The following APBB3 variants were observed in gnomAD, a reference collection of about 807,000 sequenced individuals.
The protein encoded by APBB3 is amyloid beta precursor protein binding family B member 3.
APBB3 carries 50 observed loss-of-function variants against 61.5 expected under a neutral mutation model. The observed-to-expected ratio is 0.81, with a 90% CI of 0.65 to 1.03. The LOEUF is 1.03. Ranked by LOEUF, APBB3 falls within the 50% of genes least tolerant of loss-of-function variation. The pLI is 0.00. For missense variants in APBB3, 550 were observed against 637.4 expected (o/e 0.86, Z 1.48); for synonymous variants, 235 against 233.0 (o/e 1.01, Z -0.08).
Position 140,561,597 on chromosome 5 carries a change from A to G in APBB3, c.737T>C (p.Leu246Pro). 6.2e-7 allele frequency: 1 copy of G among 1,614,242 alleles called. No homozygotes were observed. Among genetic ancestry groups the G allele is most frequent in the Non-Finnish European group, 8.5e-7 (1 of 1,180,044 alleles). ...AKAIASALHGLCAQILSERVE... is the reference protein window; with the variant it reads ...AKAIASALHGPCAQILSERVE... ...ACCCCTGACACTTACCTGGGCACAA[A>G]GCCCATGTAGGGCACTGGCAATGGC... The change falls in exon 8 of 13, where the codon CTT (leucine) becomes CCT (proline). Residue 246 changes from leucine to proline, a missense_variant. By Grantham distance (98) the Leu-to-Pro change is moderately conservative. Around this residue, in one of 3 missense-constraint regions of APBB3, gnomAD observed 405 missense variants for 483.4 expected, o/e 0.84. Transcript: ENST00000357560.
At position 140,564,374 on chromosome 5, in the gene APBB3, A is replaced by C. The variant is rs1269302104; in HGVS notation, c.-129T>G. ...TGCGGGGCCAGCTGGCGCCGCACAA[A>C]TACGGGGCGGGACACGGGGCGGGAC... On this transcript the variant is annotated 5_prime_UTR_variant, in exon 1 of 13. Transcript: ENST00000357560. The surrounding 1 kb of genome is among the most constrained non-coding windows in gnomAD (Gnocchi z 5.0). 2.0e-5 allele frequency: 23 copies of C among 1,136,802 alleles called. No homozygotes were observed. The highest frequency in any genetic ancestry group is 2.6e-5 in the East Asian group (1 of 39,060). The allele number at this position is 1,136,802 out of a possible 1,614,324, so 70.4% of individuals were successfully genotyped here.
Position 140,563,645 on chromosome 5 carries a change from C to A in APBB3, c.239G>T (p.Arg80Leu), listed in dbSNP as rs574632516. 14 of 1,614,188 alleles carry A rather than the reference C, an allele frequency of 8.7e-6. No individual in the cohort carries two copies. Among genetic ancestry groups the A allele is most frequent in the Non-Finnish European group, 1.2e-5 (14 of 1,180,030 alleles). The change falls in exon 3 of 13, where the codon CGG becomes CTG. Residue 80 changes from arginine to leucine, a missense_variant. Coordinates refer to ENST00000357560, the MANE Select transcript of APBB3 (RefSeq NM_133173.3). The part of the protein sequence containing the change: ...GTGTEGIWGL[R>L]PPKGRSFSSL... ...GGAGAAGGATCTCCCTTTGGGGGGC[C>A]GCAGTCCCCAGATCCCCTCCGTTCC...
Position 140,563,645 on chromosome 5 carries a change from C to T in APBB3, c.239G>A (p.Arg80Gln), listed in dbSNP as rs574632516. 78 of 1,614,188 alleles carry T rather than the reference C, an allele frequency of 4.8e-5. No homozygotes were observed. In the South Asian group the frequency reaches 7.2e-4, roughly 15 times the overall value. The change falls in exon 3 of 13, where the codon CGG (arginine) becomes CAG (glutamine). Residue 80 changes from arginine (R) to glutamine (Q), a missense_variant. Arg to Gln is a conservative substitution (Grantham distance 43). Around this residue, in one of 3 missense-constraint regions of APBB3, gnomAD observed 405 missense variants for 483.4 expected, o/e 0.84. Transcript: ENST00000357560. ...GGAGAAGGATCTCCCTTTGGGGGGCCGCAGTCCCCAGATCCCCTCCGTTCC... is the reference window on the plus strand; with the variant it reads ...GGAGAAGGATCTCCCTTTGGGGGGCTGCAGTCCCCAGATCCCCTCCGTTCC... ...GTGTEGIWGLRPPKGRSFSSL... is the reference protein window; with the variant it reads ...GTGTEGIWGLQPPKGRSFSSL...
At chr5:140,559,701 C>T (rs565151783) in intron 12 of APBB3, among the ~76,000 whole-genome samples, 7 of 152,368 alleles carry the variant, frequency 4.6e-5, no homozygotes, top group South Asian at 2.1e-4. Context: ...CTTGGACTGT[C>T]GGATTTCTAT....
At position 140,563,638 on chromosome 5, in the gene APBB3, G is replaced by A; in HGVS notation, c.246C>T (p.Pro82=). The change falls in exon 3 of 13, where the codon CCC becomes CCT. Residue 82 remains proline (P), a synonymous_variant. Coordinates refer to ENST00000357560, the MANE Select transcript of APBB3 (RefSeq NM_133173.3). ...CCAGGCTGGAGAAGGATCTCCCTTTGGGGGGCCGCAGTCCCCAGATCCCCT... is the reference window on the plus strand; with the variant it reads ...CCAGGCTGGAGAAGGATCTCCCTTTAGGGGGCCGCAGTCCCCAGATCCCCT... ...GTEGIWGLRP[P]KGRSFSSLES... The A allele has an allele frequency of 1.9e-6, 3 of 1,614,174 alleles. No individual in the cohort carries two copies. The highest frequency in any genetic ancestry group is 2.5e-6 in the Non-Finnish European group (3 of 1,180,036).
rs1754920607 is a variant in APBB3, at chr5:140,560,856, G to C, written c.917-102C>G. 1 of 1,393,612 alleles carries C rather than the reference G, an allele frequency of 7.2e-7. No homozygotes were observed. The highest frequency in any genetic ancestry group is 1.2e-5 in the South Asian group (1 of 82,962). 86.3% of individuals were successfully genotyped at this position (1,393,612 alleles called of 1,614,324 possible). ...TTTGGGATTCAGAGATAGGGAATAG[G>C]ATAGCTGGGGCAAGCCTTAGAATTC... On this transcript the variant is annotated intron_variant, in intron 10 of 12. Coordinates refer to ENST00000357560, the MANE Select transcript of APBB3 (RefSeq NM_133173.3). The surrounding 1 kb of genome is among the most constrained non-coding windows in gnomAD (Gnocchi z 5.1).
Position 140,562,089 on chromosome 5 carries a change from G to C in APBB3, c.626+11C>G. On this transcript the variant is annotated intron_variant, in intron 6 of 12. Coordinates refer to ENST00000357560, the MANE Select transcript of APBB3 (RefSeq NM_133173.3). ...AAGTAGCTCTTGCTTGGGGGATGTA[G>C]GCATCCTCACCGGCCCTTGGAGCTC... 6.2e-7 allele frequency: 1 copy of C among 1,613,650 alleles called. No homozygotes were observed. The highest frequency in any genetic ancestry group is 8.5e-7 in the Non-Finnish European group (1 of 1,179,800).
chr5:140,562,012 A>C (rs1484256637), intron 6 of APBB3, 88 bp downstream of exon 6: 2 of 1,612,804 alleles, frequency 1.2e-6, no homozygotes, highest in Non-Finnish European at 1.7e-6. Flanking sequence ...CCAGGGGTTC[A>C]AGTACTGGGG....
Position 140,561,666 on chromosome 5 carries a change from C to G in APBB3, c.668G>C (p.Cys223Ser). ...FAFVASDKDS[C>S]MLKCHVFCCD... ...GCAAAACACATGGCACTTGAGCATA[C>G]AGCTATCTTTGTCACTTGCCACAAA... Residue 223 changes from cysteine (C) to serine (S), a missense_variant, in exon 8 of 13, where the codon TGT becomes TCT. Cys to Ser is a moderately radical substitution (Grantham distance 112). Transcript: ENST00000357560. 6.2e-7 allele frequency: 1 copy of G among 1,614,230 alleles called. No homozygotes were observed. The highest frequency in any genetic ancestry group is 1.1e-5 in the South Asian group (1 of 91,088).
chr5:140,561,563 C>T (rs779892470), intron 8 of APBB3, 24 bp downstream of exon 8: 16 of 1,613,960 alleles, frequency 9.9e-6, no homozygotes, highest in Non-Finnish European at 1.3e-5. Context: ...TACCCACATT[C>T]CCTGCCCCAC....
chr5:140,561,343 T>A, intron 9 of APBB3, 22 bp downstream of exon 9: 1 of 1,613,442 alleles, frequency 6.2e-7, no homozygotes, highest in Non-Finnish European at 8.5e-7. Flanking sequence ...AATGCAGCAA[T>A]GCAGGTCTCC....
chr5:140,561,158 C>T, intron 9 of APBB3, 57 bp from the exon 10 acceptor site: 4 of 1,595,658 alleles, frequency 2.5e-6, no homozygotes, highest in Non-Finnish European at 3.4e-6. Context: ...TTTTCCCCAC[C>T]CTTCTCAATG....
rs1755018764 is a variant in APBB3 at position 140,562,732 on chromosome 5, G to C, written c.291-9C>G. The stretch of plus-strand genomic sequence containing the variant: ...ACCAGGACAGAGAGTTACTGAAACA[G>C]AGCAGAGCTGTTAAGAGGACCACAT... On this transcript the variant is annotated splice_polypyrimidine_tract_variant and intron_variant, in intron 3 of 12. Coordinates refer to ENST00000357560, the MANE Select transcript of APBB3 (RefSeq NM_133173.3). 6.2e-7 allele frequency: 1 copy of C among 1,614,186 alleles called. No individual in the cohort carries two copies. Among genetic ancestry groups the C allele is most frequent in the South Asian group, 1.1e-5 (1 of 91,086 alleles).
At chr5:140,561,728 GTAGAAGCTGGT>G (rs1561872112) in intron 7 of APBB3, 27 bp from the exon 8 acceptor site, 1 of 1,614,206 alleles carries the variant, frequency 6.2e-7, no homozygotes, top group South Asian at 1.1e-5. Context: ...TGGGGCTGGG[GTAGAAGCTGGT>G]TAGAGGCAGG....
Position 140,560,691 on chromosome 5 carries a change from A to G in APBB3, c.980T>C (p.Val327Ala). 1 of 1,614,072 alleles carries G rather than the reference A, an allele frequency of 6.2e-7. No individual in the cohort carries two copies. The highest frequency in any genetic ancestry group is 8.5e-7 in the Non-Finnish European group (1 of 1,180,000). Residue 327 changes from valine (V) to alanine (A), a missense_variant, in exon 11 of 13, where the codon GTC (valine) becomes GCC (alanine). Physicochemically the swap from Val to Ala is moderately conservative, Grantham distance 64 (BLOSUM62 0). Coordinates refer to ENST00000357560, the MANE Select transcript of APBB3 (RefSeq NM_133173.3). This position sits in a 1 kb window ranked among gnomAD's most constrained non-coding sequence, Gnocchi z 5.1. ...LTARGDRNAW[V>A]PTMLSVSDSL... ...GTCAGACACACTGAGCATGGTGGGG[A>G]CCCAGGCATTCCGGTCCCCCCTGGC...
intron 7 of APBB3, 33 bp downstream of exon 7, chr5:140,561,811 G>A: frequency 6.2e-7 from 1 of 1,613,896 alleles, no homozygotes; most frequent in Middle Eastern, 1.7e-4. Flanking sequence ...GGGACATCAG[G>A]GATGGGGCTC....
In APBB3 at chr5:140,564,253, G is replaced by A; in HGVS notation, c.-8C>T. ...GTAATCCTTGCCCAGCATAACCCCG[G>A]CTGCTCCCCGCCAGCCTCTGCCGGC... is the stretch of plus-strand genomic sequence containing the variant. On this transcript the variant is annotated 5_prime_UTR_variant, in exon 1 of 13. Coordinates refer to ENST00000357560, the MANE Select transcript of APBB3 (RefSeq NM_133173.3). The surrounding 1 kb of genome is among the most constrained non-coding windows in gnomAD (Gnocchi z 5.0). 1.2e-6 allele frequency: 2 copies of A among 1,608,590 alleles called. No individual in the cohort carries two copies. Among genetic ancestry groups the A allele is most frequent in the Non-Finnish European group, 1.7e-6 (2 of 1,179,924 alleles).
At chr5:140,559,170 TTCTC>T (rs1193933270) in intron 12 of APBB3, among the ~76,000 whole-genome samples, 4 of 152,160 alleles carry the variant, frequency 2.6e-5, no homozygotes, top group Non-Finnish European at 4.4e-5. Context: ...TCAAACCTAG[TTCTC>T]TCTGATTGCA....
At position 140,564,331 on chromosome 5, in the gene APBB3, C is replaced by A; in HGVS notation, c.-86G>T. ...GGAGCTACTGCGCCTGCAAGCCCAG[C>A]CTCTCTGCGCCGCAGGCTGCGGGGC... On this transcript the variant is annotated 5_prime_UTR_variant, in exon 1 of 13. Coordinates refer to ENST00000357560, the MANE Select transcript of APBB3 (RefSeq NM_133173.3). This position sits in a 1 kb window ranked among gnomAD's most constrained non-coding sequence, Gnocchi z 5.0. 2 of 1,523,754 alleles carry A rather than the reference C, an allele frequency of 1.3e-6. No homozygotes were observed. The highest frequency in any genetic ancestry group is 1.8e-6 in the Non-Finnish European group (2 of 1,117,940). The allele number at this position is 1,523,754 out of a possible 1,614,324, so 94.4% of individuals were successfully genotyped here.
Sources: gnomAD v4.1 joint callset for allele counts (sites outside exome capture counted in the v4.1 genomes callset) on GRCh38, gnomAD v4.1.1 for gene constraint, gnomAD v4.1.1 regional missense constraint, Gnocchi (gnomAD v3.1) non-coding constraint, MANE v1.5 for transcripts, NCBI Gene and HGNC (gene_info 2026-07-23, HGNC 2026-07-21) for gene names.